SCARA3: variants seen among roughly 807,000 people sequenced by gnomAD.
The protein encoded by SCARA3 is scavenger receptor class A member 3, also known as cellular stress response gene protein.
SCARA3 carries 39 observed loss-of-function variants against 47.0 expected under a neutral mutation model. The observed-to-expected ratio is 0.83, with a 90% CI of 0.64 to 1.08. The LOEUF (loss-of-function observed/expected upper bound fraction) is 1.08, where lower values mean the gene tolerates loss of function less well. Ranked by LOEUF, SCARA3 falls within the 50% of genes least tolerant of loss-of-function variation. The pLI is 0.00. For synonymous variants in SCARA3, 356 were observed against 334.1 expected, an observed-to-expected ratio of 1.07 and a Z score of -0.71; for missense variants, 724 against 792.3, an observed-to-expected ratio of 0.91 and a Z score of 1.04.
chr8:27,663,310 G>C (rs748297232), intron 5 of SCARA3, among the ~76,000 whole-genome samples: 1 of 152,208 alleles, frequency 6.6e-6, no homozygotes, highest in Non-Finnish European at 1.5e-5. Flanking sequence ...TGTAAACCAG[G>C]ACTGAATCTT....
At chr8:27,684,664 C>CAAA in the SCARA3 span, among the ~76,000 whole-genome samples, 6 of 141,572 alleles carry the variant, frequency 4.2e-5, no homozygotes, top group South Asian at 4.5e-4. Flanking sequence ...AAGGCTGTGT[C>CAAA]AAAAAAAAAA....
At chr8:27,708,485 C>T in the SCARA3 span, among the ~76,000 whole-genome samples, 1 of 152,010 alleles carries the variant, frequency 6.6e-6, no homozygotes, top group Non-Finnish European at 1.5e-5. Context: ...GTAAGAGCTA[C>T]ACAATCTCGT....
chr8:27,663,629 C>T (rs1436356829), intron 5 of SCARA3, among the ~76,000 whole-genome samples: 8 of 152,122 alleles, frequency 5.3e-5, no homozygotes, highest in African/African-American at 7.2e-5. Flanking sequence ...CCACCAAGGC[C>T]CAGTAGAAGG....
At chr8:27,703,116 G>T in the SCARA3 span, 1 of 152,362 alleles carries the variant, frequency 6.6e-6, no homozygotes, top group African/African-American at 2.4e-5. Context: ...CTGGCCCAGG[G>T]TCCAGAGCAC....
chr8:27,635,311 G>T (rs1012289244), intron 1 of SCARA3, among the ~76,000 whole-genome samples: 9 of 152,030 alleles, frequency 5.9e-5, no homozygotes, highest in Non-Finnish European at 1.5e-5. Flanking sequence ...TGCAGCCTCC[G>T]CATTGCATAG....
chr8:27,658,381 A>C, intron 4 of SCARA3, 115 bp from the exon 5 acceptor site: 1 of 898,174 alleles, frequency 1.1e-6, no homozygotes, highest in South Asian at 1.9e-5. Context: ...TCTGGAAGGA[A>C]GTTGGTTTGG....
the SCARA3 span, among the ~76,000 whole-genome samples, chr8:27,723,784 G>A: frequency 6.6e-6 from 1 of 152,212 alleles, no homozygotes; most frequent in African/African-American, 2.4e-5. Flanking sequence ...CTCCCAGGCT[G>A]GAGTGCAACG....
chr8:27,676,716 C>T (rs1039466507), downstream of SCARA3: 5 of 602,038 alleles, frequency 8.3e-6, no homozygotes, highest in African/African-American at 7.6e-5. Context: ...GAGACACTAG[C>T]CAATTGTGGT....
chr8:27,659,492 T>C lies in SCARA3; in HGVS notation c.1322T>C (p.Val441Ala). 1.2e-6 allele frequency: 2 copies of C among 1,613,824 alleles called. No individual in the cohort carries two copies. Among genetic ancestry groups the C allele is most frequent in the South Asian group, 1.1e-5 (1 of 91,032 alleles). ...LSMIVEEMKA[V>A]DTQHGEILRN... ...ATGATCGTGGAGGAGATGAAGGCAGTGGACACACAGCATGGAGAAATCCTT... is the reference window on the plus strand; with the variant it reads ...ATGATCGTGGAGGAGATGAAGGCAGCGGACACACAGCATGGAGAAATCCTT... The change falls in exon 5 of 6, where the codon GTG becomes GCG. Residue 441 changes from valine to alanine, a missense_variant. Transcript: ENST00000301904.
intron 5 of SCARA3, among the ~76,000 whole-genome samples, chr8:27,666,486 G>A (rs540401156): frequency 6.6e-6 from 1 of 152,146 alleles, no homozygotes; most frequent in Non-Finnish European, 1.5e-5. Context: ...GTTTTTAACA[G>A]CCCTCAGTTG....
rs760158000 is a variant in SCARA3, at chr8:27,671,556, GCA to G, written c.*212_*213del. 71 of 1,277,760 alleles carry G rather than the reference GCA, an allele frequency of 5.6e-5. No individual in the cohort carries two copies. The highest frequency in any genetic ancestry group is 6.7e-5 in the Non-Finnish European group (68 of 1,016,704). The allele number at this position is 1,277,760 out of a possible 1,614,324, so 79.2% of individuals were successfully genotyped here. A position where few individuals can be genotyped will look rare whatever the true frequency, so the allele number is the denominator to read the frequency against. On this transcript the variant is annotated 3_prime_UTR_variant, in exon 6 of 6. Transcript: ENST00000301904. ...CCTCCTCACACATACATGTGCACAT[GCA>G]CACACATGCATGCACACACATGCAC... is the stretch of plus-strand genomic sequence containing the variant.
At chr8:27,717,614 G>A in the SCARA3 span, among the ~76,000 whole-genome samples, 1 of 152,050 alleles carries the variant, frequency 6.6e-6, no homozygotes, top group Non-Finnish European at 1.5e-5. Flanking sequence ...GCTTAACTCT[G>A]TCTCTACTAA....
chr8:27,683,413 T>C, the SCARA3 span, among the ~76,000 whole-genome samples: 1 of 152,184 alleles, frequency 6.6e-6, no homozygotes, highest in Non-Finnish European at 1.5e-5. Context: ...TGCCCAATAA[T>C]ATGTGTGCCT....
At chr8:27,710,457 T>A in the SCARA3 span, among the ~76,000 whole-genome samples, 2 of 152,280 alleles carry the variant, frequency 1.3e-5, no homozygotes, top group Non-Finnish European at 2.9e-5. Flanking sequence ...CTTAAGCTTG[T>A]TATTGAAAAA....
At chr8:27,647,057 G>A (rs767210176) in intron 1 of SCARA3, among the ~76,000 whole-genome samples, 7 of 140,460 alleles carry the variant, frequency 5.0e-5, no homozygotes, top group Admixed American at 2.4e-4. Flanking sequence ...CCAGGATTCC[G>A]GAAGCTTTGC....
chr8:27,650,004 T>C (rs2128918167), intron 2 of SCARA3, among the ~76,000 whole-genome samples: 1 of 152,280 alleles, frequency 6.6e-6, no homozygotes, highest in South Asian at 2.1e-4. Context: ...TAATGTTTTT[T>C]TTTCTTAAAG....
At chr8:27,648,870 GGGAAGGAAGGAAA>G (rs1298886494) in intron 1 of SCARA3, among the ~76,000 whole-genome samples, 2 of 147,958 alleles carry the variant, frequency 1.4e-5, no homozygotes, top group South Asian at 2.2e-4. Flanking sequence ...GAGGAAAGTA[GGGAAGGAAGGAAA>G]GGAAGGAAGG....
chr8:27,675,345 G>C (rs985902572), downstream of SCARA3, among the ~76,000 whole-genome samples: 1 of 152,248 alleles, frequency 6.6e-6, no homozygotes, highest in Non-Finnish European at 1.5e-5. Context: ...GGCTGGGCTA[G>C]GCTGGGCTGG....
rs1209692231 is a variant in SCARA3, at chr8:27,672,845, C to T, written c.*1494C>T. 1 of 985,556 alleles carries T rather than the reference C, an allele frequency of 1.0e-6. No individual in the cohort carries two copies. Among genetic ancestry groups the T allele is most frequent in the African/African-American group, 1.7e-5 (1 of 57,260 alleles). 61.1% of individuals were successfully genotyped at this position (985,556 alleles called of 1,614,324 possible). A position where few individuals can be genotyped will look rare whatever the true frequency, so the allele number is the denominator to read the frequency against. On this transcript the variant is annotated 3_prime_UTR_variant, in exon 6 of 6. Coordinates refer to ENST00000301904, the MANE Select transcript of SCARA3 (RefSeq NM_016240.3). Reference sequence around the variant, plus strand: ...GGGCATAGAGTTGTCTCCTTCCCAACACGGACCCAGAGAGCAGCCCTTCCC... The same window carrying T: ...GGGCATAGAGTTGTCTCCTTCCCAATACGGACCCAGAGAGCAGCCCTTCCC...
Sources: allele counts gnomAD v4.1 joint callset (sites outside exome capture counted in the v4.1 genomes callset), GRCh38; gene constraint gnomAD v4.1.1; transcripts MANE v1.5; gene names NCBI Gene and HGNC (gene_info 2026-07-23, HGNC 2026-07-21).